The following CYP2C19 variants were observed in gnomAD, a reference collection of about 807,000 sequenced individuals.
CYP2C19 encodes cytochrome P450 family 2 subfamily C member 19, also known as cytochrome P450 2C19.
In CYP2C19, 59 loss-of-function variants were observed where a neutral mutation model predicts 40.9. The ratio of observed to expected loss-of-function variants is 1.44; its 90% confidence interval spans 1.17 to 1.79. The LOEUF (loss-of-function observed/expected upper bound fraction) is 1.79, where lower values mean the gene tolerates loss of function less well. Ranked by LOEUF, CYP2C19 falls within the 40% of genes most tolerant of loss-of-function variation. The probability of loss-of-function intolerance (pLI) is 0.00; values close to 1 mark genes in which losing one functional copy is unlikely to be tolerated. For synonymous variants in CYP2C19, 253 were observed against 208.7 expected, an observed-to-expected ratio of 1.21 and a Z score of -1.83; for missense variants, 754 against 596.9, an observed-to-expected ratio of 1.26 and a Z score of -2.74.
chr10:94,790,970 GAATT>G (rs1344504736), intron 5 of CYP2C19, among the ~76,000 whole-genome samples: 1 of 152,092 alleles, frequency 6.6e-6, no homozygotes, highest in Non-Finnish European at 1.5e-5. Flanking sequence ...ACCTCTGGTG[GAATT>G]CAGCTGTGAA....
Position 94,842,918 on chromosome 10 carries a change from C to A in CYP2C19, c.1043C>A (p.Thr348Lys). The A allele has an allele frequency of 6.2e-7, 1 of 1,614,216 alleles. No individual in the cohort carries two copies. The highest frequency in any genetic ancestry group is 1.1e-5 in the South Asian group (1 of 91,084). Residue 348 changes from threonine (T) to lysine (K), a missense_variant, in exon 7 of 9, where the codon ACA becomes AAA. Physicochemically the swap from Thr to Lys is moderately conservative, Grantham distance 78. Transcript: ENST00000371321. Reference protein sequence around the residue: ...CMQDRGHMPYTDAVVHEVQRY... With the variant: ...CMQDRGHMPYKDAVVHEVQRY... ...CAGGACAGGGGCCACATGCCCTACA[C>A]AGATGCTGTGGTGCACGAGGTCCAG...
chr10:94,843,230 T>C lies in CYP2C19; in HGVS notation c.1149+206T>C, dbSNP rs576105099. On this transcript the variant is annotated intron_variant, in intron 7 of 8. Coordinates refer to ENST00000371321, the MANE Select transcript of CYP2C19 (RefSeq NM_000769.4). ...TCTCACAGTGTGTGTTTTTCAGATT[T>C]ATTCTTTCTTCAAGATTGTTCTGGC... Among the ~76,000 whole-genome samples the C allele has an allele frequency of 2.0e-5, 3 of 152,232 alleles. No individual in the cohort carries two copies. The South Asian group carries it at 6.2e-4, about 32-fold the overall frequency.
chr10:94,785,797 C>T (rs951825162), intron 5 of CYP2C19, among the ~76,000 whole-genome samples: 1 of 152,108 alleles, frequency 6.6e-6, no homozygotes, highest in African/African-American at 2.4e-5. Context: ...CTACCTGTGA[C>T]TAGGCATGTT....
At chr10:94,791,157 A>T (rs1002506575) in intron 5 of CYP2C19, among the ~76,000 whole-genome samples, 4 of 152,078 alleles carry the variant, frequency 2.6e-5, no homozygotes, top group Non-Finnish European at 5.9e-5. Flanking sequence ...ATTTGCGTAG[A>T]GGTGTTTATA....
intron 5 of CYP2C19, among the ~76,000 whole-genome samples, chr10:94,818,750 G>C (rs1467572638): frequency 1.3e-5 from 2 of 149,238 alleles, no homozygotes; most frequent in Non-Finnish European, 3.0e-5. Flanking sequence ...TGTATCCTGA[G>C]ACTTTGCTGA....
At chr10:94,776,954 C>T (rs1474631037) in intron 3 of CYP2C19, among the ~76,000 whole-genome samples, 1 of 152,126 alleles carries the variant, frequency 6.6e-6, no homozygotes, top group African/African-American at 2.4e-5. Flanking sequence ...TCAGCAACGT[C>T]TCAGGATACA....
At chr10:94,822,481 G>A (rs562330093) in intron 6 of CYP2C19, among the ~76,000 whole-genome samples, 21 of 152,220 alleles carry the variant, frequency 1.4e-4, no homozygotes, top group African/African-American at 4.8e-4. Flanking sequence ...CTGTTGATGG[G>A]CACTTAAGTT....
At position 94,852,984 on chromosome 10, in the gene CYP2C19, T is replaced by C; in HGVS notation, c.*70T>C. On this transcript the variant is annotated 3_prime_UTR_variant, in exon 9 of 9. Transcript: ENST00000371321. ...CTCTTTCCTCTGGTCCAAATTTCAC[T>C]ATCTGTGATGCTTCTTCTGACCCGT... 2.0e-6 allele frequency: 3 copies of C among 1,496,772 alleles called. No homozygotes were observed. Among genetic ancestry groups the C allele is most frequent in the African/African-American group, 1.4e-5 (1 of 72,402 alleles). 92.7% of individuals were successfully genotyped at this position (1,496,772 alleles called of 1,614,324 possible). A position where few individuals can be genotyped will look rare whatever the true frequency, so the allele number is the denominator to read the frequency against.
intron 6 of CYP2C19, among the ~76,000 whole-genome samples, chr10:94,825,699 T>G: frequency 1.7e-5 from 2 of 115,088 alleles, no homozygotes; most frequent in African/African-American, 6.9e-5. Flanking sequence ...TTGTTGCCAT[T>G]GCTTTTGGTG....
intron 1 of CYP2C19, among the ~76,000 whole-genome samples, chr10:94,764,782 G>A (rs1848218592): frequency 6.6e-6 from 1 of 152,122 alleles, no homozygotes; most frequent in Non-Finnish European, 1.5e-5. Context: ...AAACAAATTT[G>A]ACAAGGAGGT....
At chr10:94,797,985 A>G (rs534478090) in intron 5 of CYP2C19, among the ~76,000 whole-genome samples, 20 of 151,912 alleles carry the variant, frequency 1.3e-4, no homozygotes, top group African/African-American at 4.3e-4. Flanking sequence ...TTGTGTCTCT[A>G]TCTCTTTCAG....
At chr10:94,769,298 G>A (rs1247301926) in intron 1 of CYP2C19, among the ~76,000 whole-genome samples, 2 of 152,116 alleles carry the variant, frequency 1.3e-5, no homozygotes, top group Non-Finnish European at 2.9e-5. Flanking sequence ...CTGAGAAGTG[G>A]CCTAGATCTT....
At chr10:94,769,066 T>A (rs1848290643) in intron 1 of CYP2C19, among the ~76,000 whole-genome samples, 1 of 152,162 alleles carries the variant, frequency 6.6e-6, no homozygotes, top group Admixed American at 6.5e-5. Context: ...TAAGCCAGTA[T>A]AGGCTGTATT....
At chr10:94,841,755 G>A (rs1428047905) in intron 6 of CYP2C19, among the ~76,000 whole-genome samples, 1 of 152,086 alleles carries the variant, frequency 6.6e-6, no homozygotes, top group African/African-American at 2.4e-5. Context: ...GGACCCACTG[G>A]CCATTCATGA....
chr10:94,849,083 T>G (rs940783204), intron 7 of CYP2C19, among the ~76,000 whole-genome samples: 1 of 152,194 alleles, frequency 6.6e-6, no homozygotes, highest in African/African-American at 2.4e-5. Flanking sequence ...TTCTCCTGCC[T>G]GATAGCCCTG....
chr10:94,830,112 G>C (rs986777436), intron 6 of CYP2C19, among the ~76,000 whole-genome samples: 6 of 152,166 alleles, frequency 3.9e-5, no homozygotes, highest in African/African-American at 1.4e-4. Flanking sequence ...CTTTTTGTTT[G>C]TCTGTGCCCT....
intron 5 of CYP2C19, among the ~76,000 whole-genome samples, chr10:94,820,145 CATT>C (rs1372031115): frequency 2.0e-5 from 3 of 151,902 alleles, no homozygotes; most frequent in Non-Finnish European, 4.4e-5. Flanking sequence ...AAAACCACAT[CATT>C]ATCTCAATAG....
chr10:94,785,541 A>G (rs1175920305), intron 5 of CYP2C19, among the ~76,000 whole-genome samples: 1 of 152,112 alleles, frequency 6.6e-6, no homozygotes, highest in African/African-American at 2.4e-5. Context: ...TTATGCTAGT[A>G]CCACACTTTT....
At chr10:94,767,172 G>A (rs1433702053) in intron 1 of CYP2C19, among the ~76,000 whole-genome samples, 2 of 152,148 alleles carry the variant, frequency 1.3e-5, no homozygotes, top group African/African-American at 2.4e-5. Flanking sequence ...GGACAAAAGA[G>A]TAAAGAGTAG....
Sources: gnomAD v4.1 joint callset for allele counts (sites outside exome capture counted in the v4.1 genomes callset) on GRCh38, gnomAD v4.1.1 for gene constraint, MANE v1.5 for transcripts, NCBI Gene and HGNC (gene_info 2026-07-23, HGNC 2026-07-21) for gene names.